The following GPC6 variants were observed in gnomAD, a reference collection of about 807,000 sequenced individuals.
GPC6 encodes the protein glypican-6.
In GPC6, 14 loss-of-function variants were observed where a neutral mutation model predicts 55.2. The observed-to-expected ratio is 0.25, with a 90% CI of 0.17 to 0.40. GPC6 has a LOEUF of 0.40. Among genes scored for constraint, GPC6 ranks in the 10% least tolerant of loss-of-function variants. The pLI, the probability that GPC6 is intolerant of heterozygous loss-of-function variation, is 1.00. For synonymous variants in GPC6, 278 were observed against 259.6 expected, an observed-to-expected ratio of 1.07 and a Z score of -0.68; for missense variants, 641 against 708.5, an observed-to-expected ratio of 0.90 and a Z score of 1.08.
Position 93,561,404 on chromosome 13 carries a change from G to GATATATATAT in GPC6, c.319+15996_319+16005dup, listed in dbSNP as rs66957373. ...AATAATTGCATACTATATCCCTATC[G>GATATATATAT]ATATATATATATATATATATATTTG... On this transcript the variant is annotated intron_variant, in intron 2 of 8. Transcript: ENST00000377047. 1.1e-3 allele frequency among the ~76,000 whole-genome samples: 118 copies of GATATATATAT among 104,664 alleles called. 7 individuals carry two copies. The highest frequency in any genetic ancestry group is 1.9e-3 in the Admixed American group (22 of 11,710). 68.7% of individuals were successfully genotyped at this position (104,664 alleles called of 152,430 possible).
At position 93,830,136 on chromosome 13, in the gene GPC6, T is replaced by G; in HGVS notation, c.320-18T>G. The G allele has an allele frequency of 6.2e-7, 1 of 1,601,942 alleles. No homozygotes were observed. Among genetic ancestry groups the G allele is most frequent in the Admixed American group, 1.7e-5 (1 of 58,774 alleles). ...CTAGATTTCATTAATTTATGACTTC[T>G]TTCTGTTTTATCTGCAGAATTTTTC... is the stretch of plus-strand genomic sequence containing the variant. On this transcript the variant is annotated intron_variant, in intron 2 of 8. Transcript: ENST00000377047.
At chr13:93,882,104 T>C (rs1227414721) in intron 3 of GPC6, among the ~76,000 whole-genome samples, 2 of 151,742 alleles carry the variant, frequency 1.3e-5, no homozygotes, top group Non-Finnish European at 2.9e-5. Flanking sequence ...TTTCTTTTCT[T>C]TCGCGGATTT....
At chr13:93,696,257 G>A (rs1392932841) in intron 2 of GPC6, among the ~76,000 whole-genome samples, 1 of 152,098 alleles carries the variant, frequency 6.6e-6, no homozygotes, top group East Asian at 1.9e-4. Context: ...TCCAACTGAT[G>A]TAAATTTTCT....
chr13:93,255,624 A>G (rs1876926222), intron 1 of GPC6, among the ~76,000 whole-genome samples: 1 of 152,140 alleles, frequency 6.6e-6, no homozygotes, highest in African/African-American at 2.4e-5. Context: ...TCTTTTCTAA[A>G]TGGTATGCCT....
intron 1 of GPC6, among the ~76,000 whole-genome samples, chr13:93,440,358 T>A (rs904209073): frequency 6.6e-6 from 1 of 152,236 alleles, no homozygotes; most frequent in Non-Finnish European, 1.5e-5. Context: ...GAGAAGCAGA[T>A]GGCAGTGATG....
chr13:94,342,162 C>A (rs1334207281), intron 6 of GPC6, among the ~76,000 whole-genome samples: 1 of 152,164 alleles, frequency 6.6e-6, no homozygotes, highest in Non-Finnish European at 1.5e-5. Context: ...CTATTTATTT[C>A]GTTCCAGTAG....
At chr13:93,707,767 A>T (rs764082637) in intron 2 of GPC6, among the ~76,000 whole-genome samples, 4 of 151,844 alleles carry the variant, frequency 2.6e-5, no homozygotes, top group Admixed American at 6.6e-5. Flanking sequence ...ACATTTAAGG[A>T]TTATATTTTA....
At chr13:93,690,382 G>C (rs952711185) in intron 2 of GPC6, among the ~76,000 whole-genome samples, 8 of 151,994 alleles carry the variant, frequency 5.3e-5, no homozygotes, top group Non-Finnish European at 8.8e-5. Flanking sequence ...TAGGACCATG[G>C]ACAGCTCCCT....
intron 1 of GPC6, among the ~76,000 whole-genome samples, chr13:93,234,694 G>GAGAGAGAGAGTGCA (rs1555336408): frequency 9.2e-5 from 14 of 151,392 alleles, no homozygotes; most frequent in Admixed American, 3.9e-4. Flanking sequence ...GTGTGAGAGA[G>GAGAGAGAGAGTGCA]AGAGAGAGAG....
intron 1 of GPC6, among the ~76,000 whole-genome samples, chr13:93,369,293 A>C (rs1407250654): frequency 6.6e-6 from 1 of 152,162 alleles, no homozygotes; most frequent in East Asian, 1.9e-4. Context: ...ATCAGCAAAA[A>C]TTCACTGCAA....
chr13:94,179,827 C>A (rs1888920865), intron 4 of GPC6, among the ~76,000 whole-genome samples: 1 of 152,058 alleles, frequency 6.6e-6, no homozygotes, highest in African/African-American at 2.4e-5. Flanking sequence ...CAGGTCACTA[C>A]TTTTGGGGTA....
intron 4 of GPC6, among the ~76,000 whole-genome samples, chr13:94,226,451 G>A (rs972008881): frequency 3.3e-5 from 5 of 152,196 alleles, no homozygotes; most frequent in East Asian, 1.9e-4. Flanking sequence ...ACAAAGAAAC[G>A]ATAAGTGCTT....
At chr13:93,553,131 A>G (rs1006387966) in intron 2 of GPC6, among the ~76,000 whole-genome samples, 5 of 152,110 alleles carry the variant, frequency 3.3e-5, no homozygotes, top group African/African-American at 1.2e-4. Context: ...TGGAGTAGAA[A>G]CCACTCACTC....
chr13:93,271,096 T>C (rs547998768), intron 1 of GPC6, among the ~76,000 whole-genome samples: 1 of 152,252 alleles, frequency 6.6e-6, no homozygotes, highest in South Asian at 2.1e-4. Flanking sequence ...GCAAGCCTGG[T>C]TCCTACTTCT....
intron 4 of GPC6, among the ~76,000 whole-genome samples, chr13:94,272,255 C>A (rs1485083079): frequency 6.6e-6 from 1 of 151,824 alleles, no homozygotes; most frequent in Non-Finnish European, 1.5e-5. Context: ...GTTTGTGATT[C>A]ATTCCATGTA....
intron 3 of GPC6, among the ~76,000 whole-genome samples, chr13:93,886,455 A>G (rs553998432): frequency 1.3e-4 from 20 of 152,144 alleles, no homozygotes; most frequent in Admixed American, 9.2e-4. Flanking sequence ...TTGCAGCATA[A>G]AAGCCATTTG....
chr13:94,252,073 T>C (rs946034827), intron 4 of GPC6, among the ~76,000 whole-genome samples: 24 of 152,170 alleles, frequency 1.6e-4, no homozygotes, highest in African/African-American at 5.8e-4. Flanking sequence ...CCTGTCATTC[T>C]AGAGATGAGA....
In GPC6 at chr13:93,951,842, T is replaced by C. The variant is rs139012598; in HGVS notation, c.712-75887T>C. Among the ~76,000 whole-genome samples the C allele has an allele frequency of 6.7e-3, 1,015 of 152,238 alleles. 16 individuals are homozygous for C. Among genetic ancestry groups the C allele is most frequent in the Admixed American group, 0.032 (494 of 15,286 alleles). On this transcript the variant is annotated intron_variant, in intron 3 of 8. Transcript: ENST00000377047. ...GAGAAATAACATCCAGGAAGATTCC[T>C]GGAGATCATTAGAAGCAAAGGATGA...
At chr13:94,168,298 G>A (rs1479804624) in intron 4 of GPC6, among the ~76,000 whole-genome samples, 3 of 152,168 alleles carry the variant, frequency 2.0e-5, no homozygotes, top group Admixed American at 2.0e-4. Context: ...CTATCTCGGA[G>A]ATTCTATTTG....
Sources: gnomAD v4.1 joint callset for allele counts (sites outside exome capture counted in the v4.1 genomes callset) on GRCh38, gnomAD v4.1.1 for gene constraint, MANE v1.5 for transcripts, NCBI Gene and HGNC (gene_info 2026-07-23, HGNC 2026-07-21) for gene names.